Variants in TAF3 observed in about 807,000 individuals in gnomAD.
TAF3 encodes transcription initiation factor TFIID subunit 3.
TAF3 carries 7 observed loss-of-function variants against 80.6 expected under a neutral mutation model. That is an observed-to-expected ratio of 0.09 (90% CI 0.05 to 0.16). The LOEUF is 0.16. Among genes scored for constraint, TAF3 ranks in the 10% least tolerant of loss-of-function variants. The pLI is 1.00. For synonymous variants in TAF3, 444 were observed against 446.1 expected (o/e 1.00, Z 0.06); for missense variants, 921 against 1,140.2 (o/e 0.81, Z 2.77).
rs373986757 is a variant in TAF3 at position 7,998,646 on chromosome 10, C to A, written c.2316-10432C>A. Among the ~76,000 whole-genome samples, 17 of 152,126 alleles carry A rather than the reference C, an allele frequency of 1.1e-4. No homozygotes were observed. In the East Asian group the frequency reaches 2.7e-3, roughly 24 times the overall value. ...CTGAAGTCAGGAGTTCGAGACCAGC[C>A]TGGCCAACATGGTGAAACCCCGTCT... On this transcript the variant is annotated intron_variant, in intron 4 of 6. Coordinates refer to ENST00000344293, the MANE Select transcript of TAF3 (RefSeq NM_031923.4).
At chr10:7,987,125 C>G (rs1481498603) in intron 4 of TAF3, among the ~76,000 whole-genome samples, 3 of 152,048 alleles carry the variant, frequency 2.0e-5, no homozygotes, top group Non-Finnish European at 4.4e-5. Flanking sequence ...AGTTCAAGAC[C>G]AGCCTGGGCA....
intron 2 of TAF3, among the ~76,000 whole-genome samples, chr10:7,941,323 C>A (rs1393992373): frequency 1.3e-5 from 2 of 152,206 alleles, no homozygotes; most frequent in Non-Finnish European, 2.9e-5. Flanking sequence ...AATTAAACTT[C>A]AAATGAATAA....
chr10:7,887,494 C>A (rs543601716), intron 2 of TAF3, among the ~76,000 whole-genome samples: 33 of 152,106 alleles, frequency 2.2e-4, no homozygotes, highest in African/African-American at 3.6e-4. Context: ...TGTTTCTTTT[C>A]TTTTTCTTTC....
At chr10:7,857,910 A>AAT (rs1554777870) in intron 2 of TAF3, among the ~76,000 whole-genome samples, 1 of 138,544 alleles carries the variant, frequency 7.2e-6, no homozygotes, top group Non-Finnish European at 1.5e-5. Context: ...AACATTTCTG[A>AAT]TTTTTTTTTT....
chr10:7,869,803 T>C (rs998313355), intron 2 of TAF3, among the ~76,000 whole-genome samples: 3 of 152,240 alleles, frequency 2.0e-5, no homozygotes, highest in African/African-American at 7.2e-5. Flanking sequence ...TTTGGCAGAC[T>C]GGTGAAAAAT....
At chr10:7,839,842 A>G (rs570534143) in intron 2 of TAF3, among the ~76,000 whole-genome samples, 45 of 152,308 alleles carry the variant, frequency 3.0e-4, no homozygotes, top group Non-Finnish European at 5.1e-4. Context: ...CTTGCTTTAC[A>G]TTCAGGCCAG....
chr10:7,952,141 G>GCCTA (rs1336996588), intron 2 of TAF3, among the ~76,000 whole-genome samples: 2 of 152,098 alleles, frequency 1.3e-5, no homozygotes, highest in African/African-American at 4.8e-5. Flanking sequence ...TGCACAAAGG[G>GCCTA]CCTACATCCT....
At chr10:7,844,480 G>A (rs1327736357) in intron 2 of TAF3, among the ~76,000 whole-genome samples, 2 of 151,212 alleles carry the variant, frequency 1.3e-5, no homozygotes, top group African/African-American at 2.4e-5. Context: ...GGGTTCAAGC[G>A]ATTCCCCTGC....
chr10:7,831,956 T>C (rs73616017), intron 2 of TAF3, among the ~76,000 whole-genome samples: 30 of 152,018 alleles, frequency 2.0e-4, no homozygotes, highest in African/African-American at 7.0e-4. Flanking sequence ...CAAAGCGATG[T>C]TATGTTTTAT....
At chr10:7,912,871 G>A (rs1837670219) in intron 2 of TAF3, among the ~76,000 whole-genome samples, 1 of 152,070 alleles carries the variant, frequency 6.6e-6, no homozygotes, top group Admixed American at 6.5e-5. Flanking sequence ...CCTTATGCTG[G>A]TTACCTTCAC....
intron 2 of TAF3, among the ~76,000 whole-genome samples, chr10:7,847,861 G>C (rs118003092): frequency 0.021 from 3,267 of 152,278 alleles, 39 homozygotes; most frequent in Non-Finnish European, 0.032. Flanking sequence ...TCCACCTACT[G>C]GGTTCAAGTG....
At chr10:7,932,669 A>ATTTTTTTTTTTTTTTTTTTTTTTTTT in intron 2 of TAF3, among the ~76,000 whole-genome samples, 1 of 78,810 alleles carries the variant, frequency 1.3e-5, no homozygotes, top group Non-Finnish European at 2.3e-5. Context: ...GTTCCACTTA[A>ATTTTTTTTTTTTTTTTTTTTTTTTTT]TTTTTTTTTT....
At chr10:7,910,666 C>A (rs1489879865) in intron 2 of TAF3, among the ~76,000 whole-genome samples, 2 of 152,276 alleles carry the variant, frequency 1.3e-5, no homozygotes, top group African/African-American at 4.8e-5. Flanking sequence ...CAGGTGTGAG[C>A]CACCGCACCC....
Position 7,964,525 on chromosome 10 carries a change from A to G in TAF3, c.1015A>G (p.Thr339Ala), listed in dbSNP as rs766439969. The G allele has an allele frequency of 4.3e-6, 7 of 1,613,554 alleles. No individual in the cohort carries two copies. Among genetic ancestry groups the G allele is most frequent in the Non-Finnish European group, 5.9e-6 (7 of 1,179,774 alleles). Residue 339 changes from threonine to alanine, a missense_variant, in exon 3 of 7, where the codon ACG (threonine) becomes GCG (alanine). By Grantham distance (58) the Thr-to-Ala change is moderately conservative (BLOSUM62 0). Coordinates refer to ENST00000344293, the MANE Select transcript of TAF3 (RefSeq NM_031923.4). This position sits in a 1 kb window ranked among gnomAD's most constrained non-coding sequence, Gnocchi z 4.1. ...TCCCCAAACACCTGTGAGACCTGAA[A>G]CGCCCAACAGGACTCCTTCAGCTAC... is the stretch of plus-strand genomic sequence containing the variant. ...HIPQTPVRPE[T>A]PNRTPSATLS... is the part of the protein sequence containing the mutation.
chr10:7,845,196 G>T (rs1353213445), intron 2 of TAF3, among the ~76,000 whole-genome samples: 1 of 151,622 alleles, frequency 6.6e-6, no homozygotes, highest in Non-Finnish European at 1.5e-5. Context: ...TTTGGGAGGT[G>T]TGTCATTTTG....
At chr10:7,998,681 A>C (rs1320461689) in intron 4 of TAF3, among the ~76,000 whole-genome samples, 6 of 152,056 alleles carry the variant, frequency 3.9e-5, no homozygotes, top group African/African-American at 1.4e-4. Context: ...TCTACTAAAA[A>C]TACAGAAATC....
intron 1 of TAF3, among the ~76,000 whole-genome samples, chr10:7,821,386 A>T (rs763933668): frequency 6.6e-6 from 1 of 152,148 alleles, no homozygotes; most frequent in Non-Finnish European, 1.5e-5. Flanking sequence ...ACACTTACTG[A>T]GCATCACTTA....
intron 1 of TAF3, among the ~76,000 whole-genome samples, chr10:7,823,634 C>CTTTTT (rs71515490): frequency 7.4e-6 from 1 of 135,910 alleles, no homozygotes; most frequent in African/African-American, 2.7e-5. Flanking sequence ...GATGCCATCT[C>CTTTTT]TTTTTTTTTT....
chr10:8,001,731 C>CGT (rs1831945040), intron 4 of TAF3, among the ~76,000 whole-genome samples: 3 of 151,958 alleles, frequency 2.0e-5, no homozygotes, highest in Admixed American at 1.3e-4. Context: ...ATTTTTAAGA[C>CGT]GTTTAGAATT....
Sources: allele counts gnomAD v4.1 joint callset (sites outside exome capture counted in the v4.1 genomes callset), GRCh38; gene constraint gnomAD v4.1.1; non-coding constraint Gnocchi (gnomAD v3.1); transcripts MANE v1.5; gene names NCBI Gene and HGNC (gene_info 2026-07-23, HGNC 2026-07-21).